The following KHDRBS2 variants were observed in gnomAD, a reference collection of about 807,000 sequenced individuals.
KHDRBS2 encodes KH domain-containing, RNA-binding, signal transduction-associated protein 2.
A neutral mutation model predicts 44.3 loss-of-function variants in KHDRBS2; 26 were observed. The observed-to-expected ratio is 0.59, with a 90% CI of 0.43 to 0.81. KHDRBS2 has a LOEUF of 0.81. KHDRBS2 is among the 40% of genes least tolerant of loss of function. The pLI, the probability that KHDRBS2 is intolerant of heterozygous loss-of-function variation, is 0.00. For missense variants in KHDRBS2, 476 were observed against 433.1 expected (o/e 1.10, Z -0.88); for synonymous variants, 194 against 151.1 (o/e 1.28, Z -2.08).
At chr6:62,095,749 A>G (rs1168196921) in intron 2 of KHDRBS2, among the ~76,000 whole-genome samples, 1 of 151,890 alleles carries the variant, frequency 6.6e-6, no homozygotes, top group Non-Finnish European at 1.5e-5. Flanking sequence ...AACTTCCAGT[A>G]CTATGATGAA....
At chr6:62,049,793 C>T (rs1260829422) in intron 2 of KHDRBS2, among the ~76,000 whole-genome samples, 6 of 152,000 alleles carry the variant, frequency 3.9e-5, no homozygotes, top group Non-Finnish European at 8.8e-5. Flanking sequence ...GGAAACAACA[C>T]ATGTTGGTGA....
At chr6:62,042,167 C>T (rs1786671415) in intron 3 of KHDRBS2, among the ~76,000 whole-genome samples, 1 of 152,046 alleles carries the variant, frequency 6.6e-6, no homozygotes, top group Non-Finnish European at 1.5e-5. Context: ...CAGGAAGGAC[C>T]TTTCAGTCTG....
intron 6 of KHDRBS2, among the ~76,000 whole-genome samples, chr6:61,836,455 A>AAACAGG (rs1358694886): frequency 6.6e-6 from 1 of 152,048 alleles, no homozygotes; most frequent in East Asian, 1.9e-4. Flanking sequence ...CCTGTTTTTA[A>AAACAGG]CTTTATGAAA....
At chr6:61,546,285 T>C in the KHDRBS2 span, among the ~76,000 whole-genome samples, 1 of 151,812 alleles carries the variant, frequency 6.6e-6, no homozygotes, top group Non-Finnish European at 1.5e-5. Context: ...ATTTATGAAA[T>C]AGAATGTAAA....
chr6:61,587,583 T>A, the KHDRBS2 span, among the ~76,000 whole-genome samples: 1 of 152,134 alleles, frequency 6.6e-6, no homozygotes, highest in African/African-American at 2.4e-5. Context: ...CCAGTCTTCC[T>A]CCGTGTGGAG....
intron 1 of KHDRBS2, among the ~76,000 whole-genome samples, chr6:62,181,293 T>C (rs1822232168): frequency 6.6e-6 from 1 of 151,990 alleles, no homozygotes; most frequent in East Asian, 1.9e-4. Context: ...GAAAACCATA[T>C]ATCTGATAAT....
At chr6:61,922,418 G>A (rs1808233894) in intron 4 of KHDRBS2, among the ~76,000 whole-genome samples, 1 of 152,078 alleles carries the variant, frequency 6.6e-6, no homozygotes, top group Non-Finnish European at 1.5e-5. Context: ...GGAGACCAGG[G>A]TGATTAGACT....
intron 2 of KHDRBS2, among the ~76,000 whole-genome samples, chr6:62,089,059 A>G (rs1798979679): frequency 6.6e-6 from 1 of 151,252 alleles, no homozygotes; most frequent in Admixed American, 6.6e-5. Flanking sequence ...GTAATGGTGG[A>G]CTCTCCTCCC....
At chr6:61,920,376 T>C (rs932088430) in intron 4 of KHDRBS2, among the ~76,000 whole-genome samples, 4 of 151,926 alleles carry the variant, frequency 2.6e-5, no homozygotes, top group African/African-American at 4.8e-5. Flanking sequence ...CTCAAAATGG[T>C]ATCTAGCACA....
chr6:61,961,396 G>A (rs1241365044), intron 4 of KHDRBS2, among the ~76,000 whole-genome samples: 4 of 145,862 alleles, frequency 2.7e-5, no homozygotes, highest in African/African-American at 1.0e-4. Context: ...GAAAGAAAAA[G>A]AAAGAAAGAA....
chr6:62,176,257 T>C (rs1478588616), intron 2 of KHDRBS2, among the ~76,000 whole-genome samples: 1 of 151,324 alleles, frequency 6.6e-6, no homozygotes. Context: ...TGCAATAGAG[T>C]CTAGCTCAAA....
chr6:62,113,412 A>C (rs1805482981), intron 2 of KHDRBS2, among the ~76,000 whole-genome samples: 2 of 152,284 alleles, frequency 1.3e-5, no homozygotes, highest in Non-Finnish European at 1.5e-5. Flanking sequence ...CAGAATTACC[A>C]AGTGTTAATT....
intron 6 of KHDRBS2, among the ~76,000 whole-genome samples, chr6:61,759,624 G>A (rs1479664631): frequency 6.6e-6 from 1 of 152,030 alleles, no homozygotes; most frequent in Non-Finnish European, 1.5e-5. Flanking sequence ...AACTCACTAA[G>A]CCATATGCTT....
intron 1 of KHDRBS2, among the ~76,000 whole-genome samples, chr6:62,215,790 A>C (rs1192567736): frequency 6.6e-6 from 1 of 151,738 alleles, no homozygotes; most frequent in African/African-American, 2.4e-5. Context: ...CATAGGTTTT[A>C]TAATCATGAG....
chr6:62,227,907 TGC>T, intron 1 of KHDRBS2, among the ~76,000 whole-genome samples: 1 of 152,228 alleles, frequency 6.6e-6, no homozygotes, highest in South Asian at 2.1e-4. Context: ...TTTGATGTGC[TGC>T]TGGATTTGGT....
intron 2 of KHDRBS2, among the ~76,000 whole-genome samples, chr6:62,050,535 A>G (rs976191158): frequency 6.6e-6 from 1 of 152,002 alleles, no homozygotes; most frequent in Non-Finnish European, 1.5e-5. Context: ...CTTACCTCTG[A>G]AAAATGACTA....
At chr6:62,268,784 TA>T (rs1443906265) in intron 1 of KHDRBS2, among the ~76,000 whole-genome samples, 5 of 152,016 alleles carry the variant, frequency 3.3e-5, no homozygotes, top group Admixed American at 3.3e-4. Flanking sequence ...TAGCTATGTA[TA>T]AATTTAAAGT....
chr6:62,073,084 C>T (rs1424813816), intron 2 of KHDRBS2, among the ~76,000 whole-genome samples: 4 of 151,962 alleles, frequency 2.6e-5, no homozygotes, highest in Non-Finnish European at 4.4e-5. Flanking sequence ...GTGTATGTGT[C>T]GAGGAATTTA....
chr6:61,563,058 A>T, the KHDRBS2 span, among the ~76,000 whole-genome samples: 1 of 152,116 alleles, frequency 6.6e-6, no homozygotes, highest in African/African-American at 2.4e-5. Flanking sequence ...TGTCAAGAAG[A>T]TTTCCAAGTT....
Sources: allele counts gnomAD v4.1 joint callset (sites outside exome capture counted in the v4.1 genomes callset), GRCh38; gene constraint gnomAD v4.1.1; transcripts MANE v1.5; gene names NCBI Gene and HGNC (gene_info 2026-07-23, HGNC 2026-07-21).